FOXN3: variants seen among roughly 807,000 people sequenced by gnomAD.
FOXN3 encodes the protein forkhead box N3, also known as forkhead box protein N3.
Under a neutral mutation model 38.4 loss-of-function variants are expected in FOXN3, and 7 were observed. The observed-to-expected ratio is 0.18, with a 90% CI of 0.10 to 0.34. The LOEUF is 0.34. Among genes scored for constraint, FOXN3 ranks in the 10% least tolerant of loss-of-function variants. FOXN3 has a pLI of 1.00. For synonymous variants in FOXN3, 230 were observed against 242.2 expected, an observed-to-expected ratio of 0.95 and a Z score of 0.47; for missense variants, 456 against 613.4, an observed-to-expected ratio of 0.74 and a Z score of 2.71.
chr14:89,578,105 A>G (rs1354007712), intron 1 of FOXN3, among the ~76,000 whole-genome samples: 1 of 152,208 alleles, frequency 6.6e-6, no homozygotes, highest in South Asian at 2.1e-4. Flanking sequence ...AAAAAATGCC[A>G]TGGCAATTTG....
chr14:89,568,891 T>C (rs905821343), intron 1 of FOXN3, among the ~76,000 whole-genome samples: 1 of 152,020 alleles, frequency 6.6e-6, no homozygotes, highest in Non-Finnish European at 1.5e-5. Context: ...AAACTTCAAG[T>C]TGAGTTATGA....
chr14:89,427,285 A>G, intron 1 of FOXN3, among the ~76,000 whole-genome samples: 1 of 135,128 alleles, frequency 7.4e-6, no homozygotes, highest in Non-Finnish European at 1.6e-5. Context: ...GCACAAGAGG[A>G]GGAAGGAAAA....
At chr14:89,388,782 G>A (rs1890858186) in intron 2 of FOXN3, among the ~76,000 whole-genome samples, 2 of 151,414 alleles carry the variant, frequency 1.3e-5, no homozygotes, top group East Asian at 2.0e-4. Flanking sequence ...GCATGAGAGA[G>A]GCCAAGAGAA....
intron 1 of FOXN3, among the ~76,000 whole-genome samples, chr14:89,437,732 A>C (rs1289618613): frequency 1.3e-5 from 2 of 152,236 alleles, no homozygotes; most frequent in Non-Finnish European, 2.9e-5. Flanking sequence ...AGCAGCCATC[A>C]GGGCTGCTCT....
chr14:89,616,743 A>C (rs1896503150), intron 1 of FOXN3, among the ~76,000 whole-genome samples: 1 of 152,238 alleles, frequency 6.6e-6, no homozygotes, highest in African/African-American at 2.4e-5. Context: ...CCCACAATTA[A>C]GTGTTCAAAT....
Position 89,585,035 on chromosome 14 carries a change from T to A in FOXN3, c.-15+33993A>T, listed in dbSNP as rs557679538. ...CCGGCAAGTGTCTCTTTTCAAATTGTCCATTTTTTATTGGCCAATCTCACT... is the reference window on the plus strand; with the variant it reads ...CCGGCAAGTGTCTCTTTTCAAATTGACCATTTTTTATTGGCCAATCTCACT... On this transcript the variant is annotated intron_variant, in intron 1 of 6. Transcript: ENST00000345097. 1.1e-4 allele frequency among the ~76,000 whole-genome samples: 17 copies of A among 152,298 alleles called. No individual in the cohort carries two copies. The South Asian group carries it at 3.3e-3, about 30-fold the overall frequency.
chr14:89,597,502 A>G (rs1202269807), intron 1 of FOXN3, among the ~76,000 whole-genome samples: 1 of 152,178 alleles, frequency 6.6e-6, no homozygotes, highest in Non-Finnish European at 1.5e-5. Flanking sequence ...CAAATTTTCT[A>G]TATCCTTATT....
At chr14:89,569,792 T>C (rs935211745) in intron 1 of FOXN3, among the ~76,000 whole-genome samples, 2 of 152,132 alleles carry the variant, frequency 1.3e-5, no homozygotes, top group African/African-American at 4.8e-5. Flanking sequence ...AAGGGCACCA[T>C]CATCATACCT....
At chr14:89,291,540 C>G in intron 3 of FOXN3, 6 of 577,922 alleles carry the variant, frequency 1.0e-5, no homozygotes, top group South Asian at 6.9e-5. Flanking sequence ...GACAGCGACT[C>G]CAGGCAGCTG....
chr14:89,348,257 C>T (rs780416694), intron 3 of FOXN3, among the ~76,000 whole-genome samples: 2 of 152,080 alleles, frequency 1.3e-5, no homozygotes, highest in Non-Finnish European at 2.9e-5. Context: ...GGTGATTCCC[C>T]GCATCACAGT....
chr14:89,169,195 C>G (rs991061607), intron 5 of FOXN3, among the ~76,000 whole-genome samples: 9 of 152,120 alleles, frequency 5.9e-5, no homozygotes, highest in African/African-American at 1.7e-4. Flanking sequence ...AATCTCAGCA[C>G]TTTGGGAGGC....
chr14:89,266,275 G>A (rs1885975845), intron 4 of FOXN3, among the ~76,000 whole-genome samples: 1 of 152,166 alleles, frequency 6.6e-6, no homozygotes, highest in Non-Finnish European at 1.5e-5. Flanking sequence ...TGGCTTGCAG[G>A]TGACCGACTT....
At chr14:89,546,202 C>A (rs564117194) in intron 1 of FOXN3, among the ~76,000 whole-genome samples, 2 of 151,938 alleles carry the variant, frequency 1.3e-5, no homozygotes, top group South Asian at 4.1e-4. Flanking sequence ...TATGGGAGTG[C>A]TTTTTGCTTC....
At chr14:89,168,945 G>C (rs1270268309) in intron 5 of FOXN3, among the ~76,000 whole-genome samples, 1 of 152,168 alleles carries the variant, frequency 6.6e-6, no homozygotes, top group Non-Finnish European at 1.5e-5. Flanking sequence ...ATTCTCAAGA[G>C]AGAAAATAAC....
intron 4 of FOXN3, among the ~76,000 whole-genome samples, chr14:89,181,407 C>T (rs1887671980): frequency 6.6e-6 from 1 of 152,234 alleles, no homozygotes; most frequent in South Asian, 2.1e-4. Context: ...ATCCTTAATC[C>T]AACAAGGGGA....
intron 1 of FOXN3, among the ~76,000 whole-genome samples, chr14:89,511,252 T>C (rs1463609195): frequency 0.35 from 5,635 of 16,248 alleles, 2,236 homozygotes; most frequent in Non-Finnish European, 0.6. Context: ...CTTTCTTTTC[T>C]TTCTTTCTTT....
chr14:89,354,802 C>G, intron 2 of FOXN3, among the ~76,000 whole-genome samples: 1 of 151,724 alleles, frequency 6.6e-6, no homozygotes, highest in Admixed American at 6.6e-5. Context: ...TTGCAGTGAG[C>G]TGAGATCGTG....
chr14:89,467,800 C>CTTTTT (rs1383456566), intron 1 of FOXN3, among the ~76,000 whole-genome samples: 32 of 57,870 alleles, frequency 5.5e-4, no homozygotes, highest in Non-Finnish European at 9.0e-4. Context: ...TCTTTTCTTT[C>CTTTTT]TTTGTTTTTT....
At chr14:89,327,146 A>T (rs1888108368) in intron 3 of FOXN3, among the ~76,000 whole-genome samples, 1 of 152,168 alleles carries the variant, frequency 6.6e-6, no homozygotes, top group South Asian at 2.1e-4. Flanking sequence ...GTGGTCCGGG[A>T]AACTTATTAT....
Sources: allele counts gnomAD v4.1 joint callset (sites outside exome capture counted in the v4.1 genomes callset), GRCh38; gene constraint gnomAD v4.1.1; transcripts MANE v1.5; gene names NCBI Gene and HGNC (gene_info 2026-07-23, HGNC 2026-07-21).